The following AREG variants were observed in gnomAD, a reference collection of about 807,000 sequenced individuals.
AREG encodes amphiregulin, also known as amphiregulin B.
In AREG, 16 loss-of-function variants were observed where a neutral mutation model predicts 28.0. That is an observed-to-expected ratio of 0.57 (90% CI 0.39 to 0.87). The LOEUF (loss-of-function observed/expected upper bound fraction) is 0.87, where lower values mean the gene tolerates loss of function less well. Ranked by LOEUF, AREG falls within the 40% of genes least tolerant of loss-of-function variation. AREG has a pLI of 0.00. For synonymous variants in AREG, 113 were observed against 113.5 expected (o/e 1.00, Z 0.02); for missense variants, 287 against 309.1 (o/e 0.93, Z 0.53).
At chr4:74,445,609 C>T (rs1375980198) in intron 1 of AREG, among the ~76,000 whole-genome samples, 2 of 152,176 alleles carry the variant, frequency 1.3e-5, no homozygotes, top group African/African-American at 2.4e-5. Context: ...CCCAGAGAAT[C>T]GCTGTACTTT....
intron 5 of AREG, among the ~76,000 whole-genome samples, chr4:74,454,404 C>T (rs1719426870): frequency 6.6e-6 from 1 of 152,180 alleles, no homozygotes; most frequent in Non-Finnish European, 1.5e-5. Flanking sequence ...TATGCTGAGA[C>T]AGTTAATCTT....
chr4:74,445,521 G>T (rs1719267678), intron 1 of AREG, 115 bp downstream of exon 1: 1 of 1,530,432 alleles, frequency 6.5e-7, no homozygotes, highest in African/African-American at 1.4e-5. Flanking sequence ...ACCCTGCGCC[G>T]CAGGAGGTGA....
chr4:74,449,398 G>A lies in AREG; in HGVS notation c.512+150G>A, dbSNP rs1719344729. ...CCAGATAGTAAATATTATAGGCTTAGTGGGCCAAGATTGTTACATGTACTT... is the reference window on the plus strand; with the variant it reads ...CCAGATAGTAAATATTATAGGCTTAATGGGCCAAGATTGTTACATGTACTT... On this transcript the variant is annotated intron_variant, in intron 3 of 5. Transcript: ENST00000395748. 8.5e-6 allele frequency: 12 copies of A among 1,406,126 alleles called. 1 individual carries two copies. In the South Asian group the frequency reaches 1.6e-4, roughly 19 times the overall value. The allele number at this position is 1,406,126 out of a possible 1,614,324, so 87.1% of individuals were successfully genotyped here. A position where few individuals can be genotyped will look rare whatever the true frequency, so the allele number is the denominator to read the frequency against.
chr4:74,450,276 T>A, intron 3 of AREG, 104 bp from the exon 4 acceptor site: 1 of 1,584,654 alleles, frequency 6.3e-7, no homozygotes, highest in South Asian at 1.1e-5. Flanking sequence ...ATGGCATAAC[T>A]TTTTTAATGT....
At chr4:74,449,399 T>A (rs1719344760) in intron 3 of AREG, 151 bp downstream of exon 3, 1 of 1,391,976 alleles carries the variant, frequency 7.2e-7, no homozygotes, top group Admixed American at 2.6e-5. Flanking sequence ...ATAGGCTTAG[T>A]GGGCCAAGAT....
intron 2 of AREG, 106 bp from the exon 3 acceptor site, chr4:74,448,941 G>A: frequency 6.8e-7 from 1 of 1,477,092 alleles, no homozygotes; most frequent in Non-Finnish European, 9.3e-7. Context: ...AGGCACGCAT[G>A]GCTGTTACCC....
chr4:74,454,641 T>A, intron 5 of AREG, 118 bp from the exon 6 acceptor site: 1 of 543,722 alleles, frequency 1.8e-6, no homozygotes, highest in East Asian at 3.0e-5. Flanking sequence ...AGAAAACAAC[T>A]GACAGAAATT....
At position 74,445,325 on chromosome 4, in the gene AREG, C is replaced by G; in HGVS notation, c.-21C>G. 1 of 1,607,098 alleles carries G rather than the reference C, an allele frequency of 6.2e-7. No homozygotes were observed. The highest frequency in any genetic ancestry group is 8.5e-7 in the Non-Finnish European group (1 of 1,178,306). On this transcript the variant is annotated 5_prime_UTR_variant, in exon 1 of 6. Coordinates refer to ENST00000395748, the MANE Select transcript of AREG (RefSeq NM_001657.4). Reference sequence around the variant, plus strand: ...GACCGAGTTGCCCCAGAGACCGAGACGCCGCCGCTGCGAAGGACCAATGAG... The same window carrying G: ...GACCGAGTTGCCCCAGAGACCGAGAGGCCGCCGCTGCGAAGGACCAATGAG...
At chr4:74,450,571 T>C (rs1324203976) in intron 4 of AREG, 39 bp downstream of exon 4, 2 of 1,609,806 alleles carry the variant, frequency 1.2e-6, no homozygotes, top group African/African-American at 1.3e-5. Flanking sequence ...AATAAAATAA[T>C]GGGAGGTTAA....
In AREG at chr4:74,445,307, T is replaced by A. The variant is rs1719251010; in HGVS notation, c.-39T>A. On this transcript the variant is annotated 5_prime_UTR_variant, in exon 1 of 6. The change creates a new upstream start codon in the 5' untranslated region. Coordinates refer to ENST00000395748, the MANE Select transcript of AREG (RefSeq NM_001657.4). ...GGCAGCTCGTGTCCCAGAGACCGAG[T>A]TGCCCCAGAGACCGAGACGCCGCCG... is the stretch of plus-strand genomic sequence containing the variant. The A allele has an allele frequency of 4.4e-6, 7 of 1,600,876 alleles. No homozygotes were observed. Among genetic ancestry groups the A allele is most frequent in the Non-Finnish European group, 5.1e-6 (6 of 1,175,762 alleles).
intron 5 of AREG, among the ~76,000 whole-genome samples, chr4:74,453,777 T>C (rs1719417192): frequency 6.6e-6 from 1 of 152,080 alleles, no homozygotes; most frequent in African/African-American, 2.4e-5. Flanking sequence ...AAAAATTAGC[T>C]GGGTGTGGTG....
intron 1 of AREG, among the ~76,000 whole-genome samples, chr4:74,446,260 G>T (rs1170742070): frequency 6.6e-6 from 1 of 152,182 alleles, no homozygotes; most frequent in East Asian, 1.9e-4. Context: ...AGATTAATTT[G>T]CCAATTTGGC....
chr4:74,445,294 C>G lies in AREG; in HGVS notation c.-52C>G. On this transcript the variant is annotated 5_prime_UTR_variant, in exon 1 of 6. Coordinates refer to ENST00000395748, the MANE Select transcript of AREG (RefSeq NM_001657.4). Reference sequence around the variant, plus strand: ...CGCTCGTTTTGGCGGCAGCTCGTGTCCCAGAGACCGAGTTGCCCCAGAGAC... The same window carrying G: ...CGCTCGTTTTGGCGGCAGCTCGTGTGCCAGAGACCGAGTTGCCCCAGAGAC... 1 of 1,592,600 alleles carries G rather than the reference C, an allele frequency of 6.3e-7. No homozygotes were observed. Among genetic ancestry groups the G allele is most frequent in the East Asian group, 2.3e-5 (1 of 44,018 alleles).
At chr4:74,446,052 T>C (rs1401865809) in intron 1 of AREG, among the ~76,000 whole-genome samples, 1 of 88,106 alleles carries the variant, frequency 1.1e-5, no homozygotes, top group Admixed American at 1.6e-4. Context: ...CTTTTAAAAA[T>C]ATGAACACAT....
intron 5 of AREG, 85 bp downstream of exon 5, chr4:74,452,740 T>G (rs2110413166): frequency 1.6e-6 from 2 of 1,212,736 alleles, no homozygotes; most frequent in East Asian, 5.1e-5. Flanking sequence ...AAATATGGAA[T>G]GTGTTCTTAA....
chr4:74,454,953 A>G lies in AREG; in HGVS notation c.*213A>G. The G allele has an allele frequency of 1.6e-6, 1 of 637,616 alleles. No individual in the cohort carries two copies. The highest frequency in any genetic ancestry group is 2.8e-6 in the Non-Finnish European group (1 of 358,414). 39.5% of individuals were successfully genotyped at this position (637,616 alleles called of 1,614,324 possible). On this transcript the variant is annotated 3_prime_UTR_variant, in exon 6 of 6. Coordinates refer to ENST00000395748, the MANE Select transcript of AREG (RefSeq NM_001657.4). ...TTTCAAGTTGTAAATAATTTATTTA[A>G]TATTTAATGGAAGTGTATTTATTTT...
chr4:74,452,571 T>G lies in AREG; in HGVS notation c.693T>G (p.Tyr231Ter). Residue 231 changes from tyrosine (Y) to a stop codon, truncating the protein, a stop_gained, in exon 5 of 6, where the codon TAT becomes TAG. Coordinates refer to ENST00000395748, the MANE Select transcript of AREG (RefSeq NM_001657.4). LOFTEE classifies it high-confidence loss of function. ...VQLRRQYVRK[Y>*]EGEAEERKKL... ...TTAGAAGACAATACGTCAGGAAATA[T>G]GAAGGAGAAGCTGAGGAACGAAAGA... 6.2e-7 allele frequency: 1 copy of G among 1,613,510 alleles called. No homozygotes were observed. The highest frequency in any genetic ancestry group is 8.5e-7 in the Non-Finnish European group (1 of 1,179,672).
chr4:74,453,444 G>A (rs1006957612), intron 5 of AREG, among the ~76,000 whole-genome samples: 3 of 152,180 alleles, frequency 2.0e-5, no homozygotes, highest in Non-Finnish European at 4.4e-5. Flanking sequence ...GGAATATTTC[G>A]TTGATAATGA....
chr4:74,454,652 C>A, intron 5 of AREG, 107 bp from the exon 6 acceptor site: 1 of 550,468 alleles, frequency 1.8e-6, no homozygotes, highest in South Asian at 2.7e-5. Flanking sequence ...GACAGAAATT[C>A]TGATTCCTGA....
Sources: allele counts gnomAD v4.1 joint callset (sites outside exome capture counted in the v4.1 genomes callset), GRCh38; gene constraint gnomAD v4.1.1; transcripts MANE v1.5; gene names NCBI Gene and HGNC (gene_info 2026-07-23, HGNC 2026-07-21).